The following HMBOX1 variants were observed in gnomAD, a reference collection of about 807,000 sequenced individuals.
The protein encoded by HMBOX1 is homeobox containing 1.
HMBOX1 carries 14 observed loss-of-function variants against 54.5 expected under a neutral mutation model. That is an observed-to-expected ratio of 0.26 (90% CI 0.17 to 0.40). The LOEUF (loss-of-function observed/expected upper bound fraction) is 0.40. Among genes scored for constraint, HMBOX1 ranks in the 10% least tolerant of loss-of-function variants. HMBOX1 has a pLI of 1.00. For missense variants in HMBOX1, 332 were observed against 514.4 expected (o/e 0.65, Z 3.43); for synonymous variants, 160 against 181.0 (o/e 0.88, Z 0.93).
chr8:29,006,053 C>T (rs1044999289), intron 4 of HMBOX1, among the ~76,000 whole-genome samples: 4 of 140,402 alleles, frequency 2.8e-5, no homozygotes, highest in South Asian at 2.3e-4. Flanking sequence ...AGTGCAGTGG[C>T]GCAATCTTGG....
intron 4 of HMBOX1, among the ~76,000 whole-genome samples, chr8:28,997,697 G>A (rs570154127): frequency 3.9e-5 from 6 of 152,110 alleles, no homozygotes; most frequent in Admixed American, 1.3e-4. Context: ...ACAGGTGTGC[G>A]CCATCATGCC....
At chr8:29,003,410 CTAAGA>C (rs1832928945) in intron 4 of HMBOX1, among the ~76,000 whole-genome samples, 1 of 150,258 alleles carries the variant, frequency 6.7e-6, no homozygotes, top group Admixed American at 6.6e-5. Context: ...TGAGAACATT[CTAAGA>C]TATTAGAGAA....
At chr8:28,940,035 TG>T (rs1397303913) in intron 1 of HMBOX1, among the ~76,000 whole-genome samples, 2 of 152,166 alleles carry the variant, frequency 1.3e-5, no homozygotes, top group Non-Finnish European at 2.9e-5. Flanking sequence ...AGATTTTTTT[TG>T]TATTTTTTTT....
chr8:29,007,158 G>A lies in HMBOX1; in HGVS notation c.587-1914G>A, dbSNP rs200506532. Among the ~76,000 whole-genome samples the A allele has an allele frequency of 2.9e-4, 43 of 150,522 alleles. No individual in the cohort carries two copies. In the East Asian group the frequency reaches 5.8e-3, roughly 20 times the overall value. On this transcript the variant is annotated intron_variant, in intron 4 of 9. Transcript: ENST00000287701. ...ACAAAAATTATCTGGGCATGGTGGC[G>A]CATGCCTGAAGTCCCAGCTACTCGG... is the stretch of plus-strand genomic sequence containing the variant.
chr8:28,970,115 A>G lies in HMBOX1; in HGVS notation c.96A>G (p.Arg32=). 1 of 1,614,174 alleles carries G rather than the reference A, an allele frequency of 6.2e-7. No individual in the cohort carries two copies. The highest frequency in any genetic ancestry group is 8.5e-7 in the Non-Finnish European group (1 of 1,180,014). ...TAGAGCAGATAGATCTGCTTCAGCG[A>G]CTTCGGCGTACTGGAATGACTAAAC... is the stretch of plus-strand genomic sequence containing the variant. ...FTIEQIDLLQ[R]LRRTGMTKHE... is the part of the protein sequence containing the mutation. Residue 32 remains arginine, a synonymous_variant, in exon 3 of 10, where the codon CGA becomes CGG. Transcript: ENST00000287701. This position sits in a 1 kb window ranked among gnomAD's most constrained non-coding sequence, Gnocchi z 4.3.
At chr8:28,965,597 G>A (rs2132297872) in intron 2 of HMBOX1, among the ~76,000 whole-genome samples, 1 of 152,300 alleles carries the variant, frequency 6.6e-6, no homozygotes, top group Non-Finnish European at 1.5e-5. Context: ...TCTTGGGAGA[G>A]GCTGGCTTGA....
intron 4 of HMBOX1, among the ~76,000 whole-genome samples, chr8:29,006,358 A>G (rs1453367526): frequency 6.6e-6 from 1 of 152,134 alleles, no homozygotes; most frequent in Non-Finnish European, 1.5e-5. Flanking sequence ...AAATGTTTAT[A>G]AGAGCCTTCT....
At chr8:29,039,050 C>CT (rs1330104133) in intron 6 of HMBOX1, among the ~76,000 whole-genome samples, 2 of 152,176 alleles carry the variant, frequency 1.3e-5, no homozygotes, top group East Asian at 3.8e-4. Context: ...CCTGAAAACC[C>CT]TTGCTCTTTC....
In HMBOX1 at chr8:28,935,402, C is replaced by G. The variant is rs1175971394; in HGVS notation, c.-57-28409C>G. ...TTGAACAGAATAGAGACTGGAAAGA[C>G]TTTTGTTTATGGCTCATTAATTTTT... is the stretch of plus-strand genomic sequence containing the variant. On this transcript the variant is annotated intron_variant, in intron 1 of 9. Transcript: ENST00000287701. Among the ~76,000 whole-genome samples the G allele has an allele frequency of 1.2e-4, 18 of 152,238 alleles. No homozygotes were observed. The South Asian group carries it at 3.5e-3, about 30-fold the overall frequency.
intron 3 of HMBOX1, among the ~76,000 whole-genome samples, chr8:28,972,981 C>A (rs899950959): frequency 2.6e-5 from 4 of 152,074 alleles, no homozygotes; most frequent in Admixed American, 1.3e-4. Context: ...TTTTCCATTT[C>A]TCTGCTTCTT....
chr8:28,977,493 C>T (rs967827681), intron 3 of HMBOX1, among the ~76,000 whole-genome samples: 1 of 152,108 alleles, frequency 6.6e-6, no homozygotes, highest in Admixed American at 6.6e-5. Context: ...ATCTCTTGTA[C>T]ACTGATTATT....
intron 5 of HMBOX1, 79 bp from the exon 6 acceptor site, chr8:29,018,681 C>G (rs1800707939): frequency 1.4e-6 from 2 of 1,398,836 alleles, no homozygotes; most frequent in African/African-American, 1.4e-5. Context: ...CCATACTTCC[C>G]TAGTCCCATA....
At chr8:28,947,972 G>A (rs930475042) in intron 1 of HMBOX1, among the ~76,000 whole-genome samples, 1 of 152,098 alleles carries the variant, frequency 6.6e-6, no homozygotes, top group East Asian at 1.9e-4. Flanking sequence ...TGCCCAGACT[G>A]GAGTATAGTG....
chr8:28,938,271 A>G (rs1255547671), intron 1 of HMBOX1, among the ~76,000 whole-genome samples: 1 of 152,200 alleles, frequency 6.6e-6, no homozygotes, highest in East Asian at 1.9e-4. Flanking sequence ...TTGCAATGTA[A>G]TAGAATTTGT....
At chr8:28,942,641 A>T (rs893029597) in intron 1 of HMBOX1, among the ~76,000 whole-genome samples, 8 of 152,140 alleles carry the variant, frequency 5.3e-5, no homozygotes, top group African/African-American at 1.4e-4. Context: ...ACATGTGTAT[A>T]TTCAGCTCCT....
chr8:28,945,687 C>T (rs1425012247), intron 1 of HMBOX1, among the ~76,000 whole-genome samples: 1 of 152,074 alleles, frequency 6.6e-6, no homozygotes. Flanking sequence ...AAAATGATGA[C>T]CTATCGATTA....
intron 1 of HMBOX1, among the ~76,000 whole-genome samples, chr8:28,923,679 C>G (rs189924949): frequency 6.6e-6 from 1 of 152,158 alleles, no homozygotes; most frequent in Non-Finnish European, 1.5e-5. Flanking sequence ...TGAGGAACTC[C>G]CAAACTGTTT....
At chr8:28,949,987 A>C (rs1021906446) in intron 1 of HMBOX1, 2 of 152,198 alleles carry the variant, frequency 1.3e-5, no homozygotes, top group Non-Finnish European at 2.9e-5. Flanking sequence ...AATTCTTATG[A>C]GTTACTTTCA....
chr8:28,921,460 A>G (rs1817543658), intron 1 of HMBOX1, among the ~76,000 whole-genome samples: 1 of 152,242 alleles, frequency 6.6e-6, no homozygotes, highest in African/African-American at 2.4e-5. Flanking sequence ...GGAAACCTGT[A>G]GACTTGAGAA....
Sources: gnomAD v4.1 joint callset for allele counts (sites outside exome capture counted in the v4.1 genomes callset) on GRCh38, gnomAD v4.1.1 for gene constraint, Gnocchi (gnomAD v3.1) non-coding constraint, MANE v1.5 for transcripts, NCBI Gene and HGNC (gene_info 2026-07-23, HGNC 2026-07-21) for gene names.